The following DCUN1D4 variants were observed in gnomAD, a reference collection of about 807,000 sequenced individuals.
DCUN1D4 encodes the protein DCN1-like protein 4.
In DCUN1D4, 22 loss-of-function variants were observed where a neutral mutation model predicts 47.9. That is an observed-to-expected ratio of 0.46 (90% confidence interval 0.33 to 0.66). The LOEUF (loss-of-function observed/expected upper bound fraction) is 0.66. Among genes scored for constraint, DCUN1D4 ranks in the 30% least tolerant of loss-of-function variants. DCUN1D4 has a pLI of 0.02. For missense variants in DCUN1D4, 301 were observed against 340.8 expected, an observed-to-expected ratio of 0.88 and a Z score of 0.92; for synonymous variants, 121 against 112.2, an observed-to-expected ratio of 1.08 and a Z score of -0.50.
chr4:51,864,072 G>A (rs534362915), intron 3 of DCUN1D4, among the ~76,000 whole-genome samples: 1 of 152,362 alleles, frequency 6.6e-6, no homozygotes, highest in Admixed American at 6.5e-5. Flanking sequence ...TTAATATGGT[G>A]TGTGTGTATG....
chr4:51,841,496 T>TGATCAATAAG (rs1721648931), upstream of DCUN1D4, among the ~76,000 whole-genome samples: 1 of 152,136 alleles, frequency 6.6e-6, no homozygotes, highest in South Asian at 2.1e-4. Flanking sequence ...ATGATAAAGG[T>TGATCAATAAG]GATCAATAAG....
rs1721859278 is a variant in DCUN1D4, at chr4:51,843,172, G to C, written c.-71G>C. 2.1e-5 allele frequency: 32 copies of C among 1,531,002 alleles called. No individual in the cohort carries two copies. Among genetic ancestry groups the C allele is most frequent in the Non-Finnish European group, 2.6e-5 (30 of 1,139,568 alleles). 94.8% of individuals were successfully genotyped at this position (1,531,002 alleles called of 1,614,324 possible). A position where few individuals can be genotyped will look rare whatever the true frequency, so the allele number is the denominator to read the frequency against. On this transcript the variant is annotated 5_prime_UTR_variant, in exon 1 of 11. Coordinates refer to ENST00000334635, the MANE Select transcript of DCUN1D4 (RefSeq NM_001040402.3). ...GTCCTCAGCTTCGAGCCGAGGTGCA[G>C]TGAGCTGGTGGGGGGACCGCGAGGC...
intron 1 of DCUN1D4, among the ~76,000 whole-genome samples, chr4:51,862,874 G>T (rs1725288693): frequency 6.6e-6 from 1 of 151,986 alleles, no homozygotes; most frequent in South Asian, 2.1e-4. Context: ...AATTAGCTGT[G>T]CATGATGGTG....
At chr4:51,836,557 G>C in the DCUN1D4 span, among the ~76,000 whole-genome samples, 1 of 152,080 alleles carries the variant, frequency 6.6e-6, no homozygotes, top group African/African-American at 2.4e-5. Flanking sequence ...ATTCAACTGG[G>C]GGTTCAGATC....
intron 1 of DCUN1D4, among the ~76,000 whole-genome samples, chr4:51,860,029 A>G (rs542104284): frequency 3.3e-5 from 5 of 152,322 alleles, no homozygotes; most frequent in Admixed American, 6.5e-5. Flanking sequence ...TTCAAGGGCT[A>G]TTACTTGCCA....
intron 7 of DCUN1D4, among the ~76,000 whole-genome samples, chr4:51,897,503 A>C (rs1255909028): frequency 6.6e-6 from 1 of 152,242 alleles, no homozygotes; most frequent in Non-Finnish European, 1.5e-5. Flanking sequence ...GAAAATCTTT[A>C]ATATTGCTGG....
chr4:51,883,717 A>G (rs1013502267), intron 5 of DCUN1D4, among the ~76,000 whole-genome samples: 1 of 152,260 alleles, frequency 6.6e-6, no homozygotes, highest in African/African-American at 2.4e-5. Context: ...GGGCAAACTT[A>G]GAAACACTAA....
chr4:51,903,071 T>G (rs1732357220), intron 8 of DCUN1D4, among the ~76,000 whole-genome samples: 1 of 152,196 alleles, frequency 6.6e-6, no homozygotes, highest in African/African-American at 2.4e-5. Flanking sequence ...TGCTTTAAAT[T>G]GGCAAAAATG....
rs535783757 is a variant in DCUN1D4, at chr4:51,844,762, G to T, written c.25+1495G>T. The T allele has an allele frequency of 4.8e-3, 4,390 of 909,588 alleles. 16 individuals carry two copies. The highest frequency in any genetic ancestry group is 5.5e-3 in the Non-Finnish European group (4,189 of 761,014). The allele number at this position is 909,588 out of a possible 1,614,324, so 56.3% of individuals were successfully genotyped here. A position where few individuals can be genotyped will look rare whatever the true frequency, so the allele number is the denominator to read the frequency against. On this transcript the variant is annotated intron_variant, in intron 1 of 10. Coordinates refer to ENST00000334635, the MANE Select transcript of DCUN1D4 (RefSeq NM_001040402.3). Reference sequence around the variant, plus strand: ...GTCAACGGGTATGAAGGGGAAAGGCGGTCCCGCCGAATTCTGGGACTTGTA... The same window carrying T: ...GTCAACGGGTATGAAGGGGAAAGGCTGTCCCGCCGAATTCTGGGACTTGTA...
chr4:51,895,559 TAAAAAAAAAAA>T (rs67542268), intron 7 of DCUN1D4, among the ~76,000 whole-genome samples: 3 of 88,500 alleles, frequency 3.4e-5, no homozygotes, highest in East Asian at 3.0e-4. Context: ...TGCTTAAACT[TAAAAAAAAAAA>T]AAAAAAAAAA....
At chr4:51,846,202 T>G (rs932260222) in intron 1 of DCUN1D4, among the ~76,000 whole-genome samples, 1 of 152,218 alleles carries the variant, frequency 6.6e-6, no homozygotes, top group Non-Finnish European at 1.5e-5. Flanking sequence ...GCTCTGGTTT[T>G]TAGGTTCCTT....
chr4:51,871,647 G>C (rs1726919240), intron 3 of DCUN1D4, among the ~76,000 whole-genome samples: 1 of 152,248 alleles, frequency 6.6e-6, no homozygotes, highest in South Asian at 2.1e-4. Flanking sequence ...TACATCTAAG[G>C]AGGGAGAAGC....
chr4:51,835,956 C>T, the DCUN1D4 span, among the ~76,000 whole-genome samples: 3 of 152,160 alleles, frequency 2.0e-5, no homozygotes, highest in Non-Finnish European at 4.4e-5. Flanking sequence ...GCCCCCCAAG[C>T]CAAGCCTTCC....
At chr4:51,848,827 G>A (rs1722942831) in intron 1 of DCUN1D4, among the ~76,000 whole-genome samples, 2 of 152,042 alleles carry the variant, frequency 1.3e-5, no homozygotes, top group African/African-American at 4.8e-5. Flanking sequence ...TTCAATCTAG[G>A]AAGATAGGCT....
rs1734251525 is a variant in DCUN1D4 at position 51,915,590 on chromosome 4, C to T, written c.*2006C>T. 1 of 152,522 alleles carries T rather than the reference C, an allele frequency of 6.6e-6. No individual in the cohort carries two copies. Among genetic ancestry groups the T allele is most frequent in the South Asian group, 2.1e-4 (1 of 4,834 alleles). The allele number at this position is 152,522 out of a possible 1,614,324, so 9.4% of individuals were successfully genotyped here. A position where few individuals can be genotyped will look rare whatever the true frequency, so the allele number is the denominator to read the frequency against. Reference sequence around the variant, plus strand: ...TATTCCATAAAGTTAAAAAGTTACACTTTAAAGGCAACAGGTCATACAGTT... The same window carrying T: ...TATTCCATAAAGTTAAAAAGTTACATTTTAAAGGCAACAGGTCATACAGTT... On this transcript the variant is annotated 3_prime_UTR_variant, in exon 11 of 11. Coordinates refer to ENST00000334635, the MANE Select transcript of DCUN1D4 (RefSeq NM_001040402.3).
At chr4:51,909,097 T>C in intron 8 of DCUN1D4, 4 of 440,310 alleles carry the variant, frequency 9.1e-6, no homozygotes, top group Non-Finnish European at 1.4e-5. Context: ...CAGATGATTA[T>C]ATTGTTGCAA....
the DCUN1D4 span, among the ~76,000 whole-genome samples, chr4:51,837,138 G>T: frequency 1.3e-5 from 2 of 152,170 alleles, no homozygotes; most frequent in African/African-American, 4.8e-5. Flanking sequence ...GCATCATTAG[G>T]ACTTGATTAG....
At chr4:51,890,530 G>T (rs1730258585) in intron 6 of DCUN1D4, among the ~76,000 whole-genome samples, 1 of 152,162 alleles carries the variant, frequency 6.6e-6, no homozygotes, top group Non-Finnish European at 1.5e-5. Context: ...CCTAATTTAG[G>T]AGTTGGGTGT....
intron 8 of DCUN1D4, among the ~76,000 whole-genome samples, chr4:51,908,381 A>T (rs147922336): frequency 1.3e-5 from 2 of 152,224 alleles, no homozygotes; most frequent in East Asian, 1.9e-4. Context: ...TTTAACCTTG[A>T]TGGGCCTTCT....
Sources: allele counts gnomAD v4.1 joint callset (sites outside exome capture counted in the v4.1 genomes callset), GRCh38; gene constraint gnomAD v4.1.1; transcripts MANE v1.5; gene names NCBI Gene and HGNC (gene_info 2026-07-23, HGNC 2026-07-21).